Variants in KCNIP4 observed in about 807,000 individuals in gnomAD.
KCNIP4 encodes the protein Kv channel-interacting protein 4.
Under a neutral mutation model 34.0 loss-of-function variants are expected in KCNIP4, and 12 were observed. The observed-to-expected ratio is 0.35, with a 90% CI of 0.23 to 0.57. KCNIP4 has a LOEUF of 0.57. Ranked by LOEUF, KCNIP4 falls within the 20% of genes least tolerant of loss-of-function variation. The pLI, the probability that KCNIP4 is intolerant of heterozygous loss-of-function variation, is 0.83. For missense variants in KCNIP4, 238 were observed against 311.7 expected (o/e 0.76, Z 1.78); for synonymous variants, 124 against 102.2 (o/e 1.21, Z -1.29).
At chr4:21,293,605 C>G (rs931343771) in intron 1 of KCNIP4, among the ~76,000 whole-genome samples, 2 of 152,168 alleles carry the variant, frequency 1.3e-5, no homozygotes, top group African/African-American at 2.4e-5. Context: ...TATCTACCCT[C>G]TGTCTTATAG....
chr4:21,612,474 C>A (rs1744232074), intron 1 of KCNIP4, among the ~76,000 whole-genome samples: 1 of 152,116 alleles, frequency 6.6e-6, no homozygotes, highest in African/African-American at 2.4e-5. Flanking sequence ...TGGGGCTGAA[C>A]CCTCAAGTCA....
chr4:21,875,465 A>C (rs912316549), intron 1 of KCNIP4, among the ~76,000 whole-genome samples: 3 of 152,190 alleles, frequency 2.0e-5, no homozygotes, highest in African/African-American at 7.2e-5. Context: ...TGAAATAGTC[A>C]GTGGTGATTT....
At chr4:20,939,673 C>T in intron 1 of KCNIP4, among the ~76,000 whole-genome samples, 1 of 152,032 alleles carries the variant, frequency 6.6e-6, no homozygotes, top group East Asian at 1.9e-4. Context: ...CGCCTGGCCT[C>T]AGCCCATGAT....
At chr4:21,343,928 A>T (rs1268271562) in intron 1 of KCNIP4, among the ~76,000 whole-genome samples, 1 of 152,112 alleles carries the variant, frequency 6.6e-6, no homozygotes, top group Non-Finnish European at 1.5e-5. Context: ...ATGCTATGAG[A>T]CCCATTTTAC....
intron 1 of KCNIP4, among the ~76,000 whole-genome samples, chr4:21,177,702 A>C (rs1005990949): frequency 6.6e-5 from 10 of 151,602 alleles, no homozygotes; most frequent in African/African-American, 2.2e-4. Flanking sequence ...CAAACAAAAA[A>C]CAACAAAAAT....
chr4:21,686,305 C>T (rs1750798072), intron 1 of KCNIP4, among the ~76,000 whole-genome samples: 1 of 152,204 alleles, frequency 6.6e-6, no homozygotes, highest in African/African-American at 2.4e-5. Flanking sequence ...TAATACTTTA[C>T]TCAAAGCATG....
rs142120514 is a variant in KCNIP4, at chr4:20,818,084, C to A, written c.288+32459G>T. On this transcript the variant is annotated intron_variant, in intron 3 of 8. Transcript: ENST00000382152. ...AAATTGGGTGCAAGTTATATGGCCT[C>A]CACTGTTCAAGATATATGATGAGTC... 4.3e-3 allele frequency among the ~76,000 whole-genome samples: 651 copies of A among 152,282 alleles called. 7 individuals carry two copies. The highest frequency in any genetic ancestry group is 0.015 in the African/African-American group (611 of 41,578).
intron 1 of KCNIP4, among the ~76,000 whole-genome samples, chr4:21,038,982 T>C (rs1023842809): frequency 3.9e-5 from 6 of 152,126 alleles, no homozygotes; most frequent in African/African-American, 1.4e-4. Flanking sequence ...TTTTTGAGAG[T>C]TCACTGCAGG....
chr4:21,108,991 G>A (rs1332190217), intron 1 of KCNIP4, among the ~76,000 whole-genome samples: 1 of 152,152 alleles, frequency 6.6e-6, no homozygotes, highest in Admixed American at 6.5e-5. Flanking sequence ...AGCCGTGTGA[G>A]GTGTCAGTCT....
At chr4:20,762,779 T>A (rs922331194) in intron 3 of KCNIP4, among the ~76,000 whole-genome samples, 1 of 152,206 alleles carries the variant, frequency 6.6e-6, no homozygotes, top group African/African-American at 2.4e-5. Flanking sequence ...CACATTACAC[T>A]CAGCAGTTGT....
intron 1 of KCNIP4, among the ~76,000 whole-genome samples, chr4:21,898,769 G>T (rs960778713): frequency 1.3e-5 from 2 of 152,154 alleles, no homozygotes; most frequent in Non-Finnish European, 2.9e-5. Context: ...GAAGGAAAGA[G>T]AAGTAAAGGG....
At chr4:21,801,568 G>T (rs971587465) in intron 1 of KCNIP4, among the ~76,000 whole-genome samples, 2 of 151,648 alleles carry the variant, frequency 1.3e-5, no homozygotes, top group African/African-American at 4.8e-5. Context: ...GGAAAATGGT[G>T]GTAAATGACA....
At chr4:21,094,595 C>T (rs1230104627) in intron 1 of KCNIP4, among the ~76,000 whole-genome samples, 1 of 152,132 alleles carries the variant, frequency 6.6e-6, no homozygotes, top group Non-Finnish European at 1.5e-5. Flanking sequence ...ATAATCACAT[C>T]CTTGTGGGAG....
At chr4:21,872,824 C>T (rs1320428608) in intron 1 of KCNIP4, among the ~76,000 whole-genome samples, 1 of 152,124 alleles carries the variant, frequency 6.6e-6, no homozygotes, top group Non-Finnish European at 1.5e-5. Flanking sequence ...TTATTTCTAA[C>T]TAAATGGCAA....
chr4:21,820,324 TAC>T (rs1553934853), intron 1 of KCNIP4, among the ~76,000 whole-genome samples: 6 of 136,662 alleles, frequency 4.4e-5, no homozygotes, highest in African/African-American at 1.1e-4. Context: ...TATATATATA[TAC>T]ATATATACAC....
chr4:21,613,791 A>G (rs1473324285), intron 1 of KCNIP4: 5 of 152,100 alleles, frequency 3.3e-5, no homozygotes, highest in African/African-American at 1.2e-4. Context: ...AATATTCTAC[A>G]GGGAAACAAT....
At chr4:21,325,481 TTC>T (rs1303491525) in intron 1 of KCNIP4, among the ~76,000 whole-genome samples, 1 of 151,844 alleles carries the variant, frequency 6.6e-6, no homozygotes, top group East Asian at 1.9e-4. Flanking sequence ...TTATTTGGTT[TTC>T]TCTCTTTTTT....
chr4:21,154,034 C>CA (rs779400026), intron 1 of KCNIP4, among the ~76,000 whole-genome samples: 11 of 151,466 alleles, frequency 7.3e-5, no homozygotes, highest in South Asian at 2.1e-4. Flanking sequence ...GCTTGCAGTA[C>CA]AAAAAAAAGA....
At chr4:21,766,896 G>A (rs1718455662) in intron 1 of KCNIP4, among the ~76,000 whole-genome samples, 1 of 152,064 alleles carries the variant, frequency 6.6e-6, no homozygotes, top group African/African-American at 2.4e-5. Flanking sequence ...ATTATTTTAG[G>A]TACTGAAATA....
Sources: allele counts gnomAD v4.1 joint callset (sites outside exome capture counted in the v4.1 genomes callset), GRCh38; gene constraint gnomAD v4.1.1; transcripts MANE v1.5; gene names NCBI Gene and HGNC (gene_info 2026-07-23, HGNC 2026-07-21).